Variants in PRKG1 observed in about 807,000 individuals in gnomAD.
PRKG1 encodes the protein protein kinase cGMP-dependent 1.
PRKG1 carries 35 observed loss-of-function variants against 88.1 expected under a neutral mutation model. The ratio of observed to expected loss-of-function variants is 0.40; its 90% CI spans 0.30 to 0.53. The LOEUF is 0.53. PRKG1 is among the 20% of genes least tolerant of loss of function. The pLI is 0.59. For missense variants in PRKG1, 540 were observed against 839.8 expected (o/e 0.64, Z 4.41); for synonymous variants, 303 against 292.5 (o/e 1.04, Z -0.37).
At chr10:51,943,143 T>C (rs1412991737) in intron 5 of PRKG1, among the ~76,000 whole-genome samples, 8 of 152,174 alleles carry the variant, frequency 5.3e-5, no homozygotes, top group Middle Eastern at 3.4e-3. Flanking sequence ...CAGTGGTTTG[T>C]AGTTATCCTT....
intron 3 of PRKG1, among the ~76,000 whole-genome samples, chr10:51,764,355 T>C (rs1231271273): frequency 6.6e-6 from 1 of 152,062 alleles, no homozygotes; most frequent in Non-Finnish European, 1.5e-5. Flanking sequence ...CCTCATGCCC[T>C]GACTTTTCTT....
At chr10:51,668,949 A>G (rs1302485133) in intron 3 of PRKG1, among the ~76,000 whole-genome samples, 1 of 152,160 alleles carries the variant, frequency 6.6e-6, no homozygotes, top group African/African-American at 2.4e-5. Context: ...TTTATCCTCA[A>G]AATAATATTT....
At chr10:51,934,413 C>T (rs1842761524) in intron 5 of PRKG1, among the ~76,000 whole-genome samples, 1 of 152,138 alleles carries the variant, frequency 6.6e-6, no homozygotes, top group African/African-American at 2.4e-5. Context: ...AACATTTTAG[C>T]TTCACACTTT....
In PRKG1 at chr10:51,790,646, C is replaced by A. The variant is rs534544965; in HGVS notation, c.593-13939C>A. On this transcript the variant is annotated intron_variant, in intron 3 of 17. Transcript: ENST00000373980. ...CATAGAGCATTGATCTTATGAGACA[C>A]CATTTCCTTTATTAAAGTCAACACG... is the stretch of plus-strand genomic sequence containing the variant. Among the ~76,000 whole-genome samples, 4 of 152,238 alleles carry A rather than the reference C, an allele frequency of 2.6e-5. No individual in the cohort carries two copies. In the South Asian group the frequency reaches 8.3e-4, roughly 32 times the overall value.
chr10:52,243,326 A>C (rs1840916305), intron 9 of PRKG1, among the ~76,000 whole-genome samples: 1 of 152,216 alleles, frequency 6.6e-6, no homozygotes. Flanking sequence ...AACTGCAGAT[A>C]GAATCAGATA....
chr10:51,135,890 T>C (rs1564613811), intron 1 of PRKG1, among the ~76,000 whole-genome samples: 2 of 139,094 alleles, frequency 1.4e-5, no homozygotes, highest in African/African-American at 5.4e-5. Flanking sequence ...AACCTAGAAG[T>C]GGCATGGACT....
intron 3 of PRKG1, among the ~76,000 whole-genome samples, chr10:51,589,686 G>T (rs1838262216): frequency 6.6e-6 from 1 of 152,128 alleles, no homozygotes; most frequent in Admixed American, 6.6e-5. Flanking sequence ...GTATAAAATG[G>T]ATATTTACCA....
At chr10:51,278,870 GTCAA>G (rs1463747959) in intron 2 of PRKG1, among the ~76,000 whole-genome samples, 5 of 152,038 alleles carry the variant, frequency 3.3e-5, no homozygotes, top group African/African-American at 9.7e-5. Context: ...ATTGCTAGCG[GTCAA>G]TCAATTTTAT....
At chr10:52,009,425 T>C (rs1844825906) in intron 5 of PRKG1, among the ~76,000 whole-genome samples, 1 of 152,040 alleles carries the variant, frequency 6.6e-6, no homozygotes, top group African/African-American at 2.4e-5. Flanking sequence ...CATTCATGAC[T>C]GCTACATAAA....
At chr10:52,151,011 A>G (rs534127192) in intron 8 of PRKG1, among the ~76,000 whole-genome samples, 842 of 79,140 alleles carry the variant, frequency 0.011, 6 homozygotes, top group African/African-American at 0.029. Flanking sequence ...GACAATTTTG[A>G]TAGGATTTTT....
intron 2 of PRKG1, among the ~76,000 whole-genome samples, chr10:51,399,879 G>A (rs1837687519): frequency 6.6e-6 from 1 of 152,172 alleles, no homozygotes; most frequent in South Asian, 2.1e-4. Context: ...CTAGAGCATG[G>A]AATGTGGGTG....
intron 3 of PRKG1, among the ~76,000 whole-genome samples, chr10:51,731,642 G>GT (rs1320643027): frequency 2.0e-5 from 3 of 152,148 alleles, no homozygotes; most frequent in East Asian, 1.9e-4. Context: ...AAGTTAAAGT[G>GT]TTTTTTGTGT....
intron 1 of PRKG1, among the ~76,000 whole-genome samples, chr10:51,114,600 G>A (rs768310604): frequency 6.6e-6 from 1 of 152,126 alleles, no homozygotes; most frequent in Non-Finnish European, 1.5e-5. Flanking sequence ...GAACCTGGAA[G>A]CAATCAAGTA....
chr10:51,587,123 T>C (rs1838192422), intron 3 of PRKG1, among the ~76,000 whole-genome samples: 1 of 152,170 alleles, frequency 6.6e-6, no homozygotes, highest in Non-Finnish European at 1.5e-5. Context: ...GCCTCATTTT[T>C]TTGTCATCTG....
At chr10:51,340,472 A>G (rs1841980398) in intron 2 of PRKG1, among the ~76,000 whole-genome samples, 1 of 152,158 alleles carries the variant, frequency 6.6e-6, no homozygotes, top group African/African-American at 2.4e-5. Flanking sequence ...AAGTTTCCAA[A>G]TGTTTACTTC....
intron 3 of PRKG1, among the ~76,000 whole-genome samples, chr10:51,719,624 A>G (rs767264931): frequency 1.3e-5 from 2 of 152,232 alleles, no homozygotes; most frequent in Non-Finnish European, 2.9e-5. Context: ...AAAGGATATT[A>G]GTGGAAAAAC....
intron 5 of PRKG1, among the ~76,000 whole-genome samples, chr10:52,020,306 G>A (rs1845150560): frequency 6.6e-6 from 1 of 152,004 alleles, no homozygotes; most frequent in Non-Finnish European, 1.5e-5. Context: ...TTCATCTGTG[G>A]ATCTCTAGCC....
chr10:51,935,323 GT>G (rs1360420119), intron 5 of PRKG1, among the ~76,000 whole-genome samples: 1 of 151,920 alleles, frequency 6.6e-6, no homozygotes, highest in Non-Finnish European at 1.5e-5. Flanking sequence ...ATAACCTGTG[GT>G]TCTGTTAACT....
chr10:51,400,879 T>C (rs1326668239), intron 2 of PRKG1, among the ~76,000 whole-genome samples: 1 of 152,180 alleles, frequency 6.6e-6, no homozygotes. Flanking sequence ...TTCAGTATAG[T>C]TCAAGTGTGT....
Sources: gnomAD v4.1 joint callset for allele counts (sites outside exome capture counted in the v4.1 genomes callset) on GRCh38, gnomAD v4.1.1 for gene constraint, MANE v1.5 for transcripts, NCBI Gene and HGNC (gene_info 2026-07-23, HGNC 2026-07-21) for gene names.